Variants in PKD1L3 observed in about 807,000 individuals in gnomAD.
PKD1L3 encodes polycystin-1-like protein 3.
Under a neutral mutation model 184.1 loss-of-function variants are expected in PKD1L3, and 239 were observed. That is an observed-to-expected ratio of 1.30 (90% CI 1.17 to 1.45). PKD1L3 has a LOEUF of 1.45. Ranked by LOEUF, PKD1L3 falls within the 40% of genes most tolerant of loss-of-function variation. The pLI is 0.00. For synonymous variants in PKD1L3, 996 were observed against 778.8 expected (o/e 1.28, Z -4.64); for missense variants, 2,660 against 2,067.2 (o/e 1.29, Z -5.56).
intron 7 of PKD1L3, among the ~76,000 whole-genome samples, chr16:71,980,548 T>C (rs979263912): frequency 1.3e-5 from 2 of 152,140 alleles, no homozygotes; most frequent in African/African-American, 2.4e-5. Flanking sequence ...AAAATAAACA[T>C]GGTGGCCGGG....
intron 28 of PKD1L3, 29 bp from the exon 29 acceptor site, chr16:71,930,212 G>T: frequency 2.0e-6 from 3 of 1,519,726 alleles, no homozygotes; most frequent in South Asian, 2.5e-5. Flanking sequence ...CACTTGCAGT[G>T]ACTGACAATT....
rs943093790 is a variant in PKD1L3 at position 71,937,301 on chromosome 16, G to A, written c.4443C>T (p.Ala1481=). The change falls in exon 25 of 30, where the codon GCC becomes GCT. Residue 1481 remains alanine (A), a synonymous_variant. Coordinates refer to ENST00000620267, the MANE Select transcript of PKD1L3 (RefSeq NM_181536.2). ...VIYYLLVCYY[A]FIQGCQLKQQ... Reference sequence around the variant, plus strand: ...AACATTATTGACTCACCTGTATGAAGGCATAGTAACAGACCAGTAGATAAT... The same window carrying A: ...AACATTATTGACTCACCTGTATGAAAGCATAGTAACAGACCAGTAGATAAT... 6.4e-7 allele frequency: 1 copy of A among 1,551,042 alleles called. No homozygotes were observed. The highest frequency in any genetic ancestry group is 8.7e-7 in the Non-Finnish European group (1 of 1,146,758).
chr16:71,939,541 TC>T (rs1404563771), intron 24 of PKD1L3, among the ~76,000 whole-genome samples: 7 of 152,242 alleles, frequency 4.6e-5, no homozygotes, highest in Admixed American at 3.3e-4. Flanking sequence ...CCTAGCTAGC[TC>T]TCAAGACTGG....
intron 18 of PKD1L3, among the ~76,000 whole-genome samples, chr16:71,952,195 ATTTTTTTTTTTTTTTT>A (rs34849069): frequency 9.8e-5 from 5 of 50,790 alleles, no homozygotes; most frequent in South Asian, 1.2e-3. Context: ...GGAGCATGTC[ATTTTTTTTTTTTTTTT>A]TTTTTTTTTT....
intron 24 of PKD1L3, among the ~76,000 whole-genome samples, chr16:71,940,406 GT>G (rs1050758696): frequency 7.9e-5 from 12 of 152,156 alleles, no homozygotes; most frequent in African/African-American, 2.4e-4. Flanking sequence ...CAAGATTGGA[GT>G]TTGTAGGGTC....
At chr16:71,956,680 G>T (rs1458399782) in intron 16 of PKD1L3, among the ~76,000 whole-genome samples, 3 of 152,174 alleles carry the variant, frequency 2.0e-5, no homozygotes, top group Admixed American at 2.0e-4. Context: ...GAGGGAACAG[G>T]AAGTTGTTCA....
At chr16:71,964,897 A>T (rs1222860865) in intron 15 of PKD1L3, among the ~76,000 whole-genome samples, 1 of 140,588 alleles carries the variant, frequency 7.1e-6, no homozygotes, top group Non-Finnish European at 1.5e-5. Context: ...CCCAGGCTGG[A>T]GTGCAGCGGT....
intron 7 of PKD1L3, 51 bp downstream of exon 7, chr16:71,982,008 A>C (rs1246909530): frequency 1.2e-5 from 17 of 1,441,788 alleles, no homozygotes; most frequent in African/African-American, 1.4e-5. Context: ...GGACCTGTCA[A>C]GATTAAAATG....
At chr16:71,980,173 T>G in intron 7 of PKD1L3, 39 bp from the exon 8 acceptor site, 1 of 1,542,340 alleles carries the variant, frequency 6.5e-7, no homozygotes, top group East Asian at 2.4e-5. Context: ...TTGTAAAACC[T>G]CAGTGTCTTA....
intron 15 of PKD1L3, among the ~76,000 whole-genome samples, chr16:71,963,788 A>C (rs2143540267): frequency 6.6e-6 from 1 of 152,218 alleles, no homozygotes; most frequent in East Asian, 1.9e-4. Flanking sequence ...GTCAAAAAAA[A>C]CAAAAAGAAA....
intron 2 of PKD1L3, among the ~76,000 whole-genome samples, chr16:71,995,158 G>A (rs548267942): frequency 5.9e-5 from 9 of 152,248 alleles, no homozygotes; most frequent in South Asian, 4.1e-4. Context: ...GGAGTTGGGG[G>A]AAGGCTGCAA....
At chr16:71,929,726 G>T (rs577042589) in intron 29 of PKD1L3, 48 bp from the exon 30 acceptor site, 3 of 1,440,874 alleles carry the variant, frequency 2.1e-6, no homozygotes, top group Admixed American at 2.7e-5. Context: ...TGAAATTACT[G>T]CTAATAGTGG....
At chr16:71,947,376 T>C in intron 22 of PKD1L3, 116 bp downstream of exon 22, 1 of 670,412 alleles carries the variant, frequency 1.5e-6, no homozygotes, top group Non-Finnish European at 2.6e-6. Flanking sequence ...AAAGGAGAAA[T>C]AACCAGTTGG....
Position 71,985,598 on chromosome 16 carries a change from A to AT in PKD1L3, c.834+622dup, listed in dbSNP as rs997100806. On this transcript the variant is annotated intron_variant, in intron 5 of 29. Transcript: ENST00000620267. ...AGGCACATGCCACCACACCTGGCTA[A>AT]TTTTTTTTTGAAGTTTAATAGAGAA... Among the ~76,000 whole-genome samples, 87 of 151,582 alleles carry AT rather than the reference A, an allele frequency of 5.7e-4. 1 individual carries two copies. The East Asian group carries it at 0.013, about 23-fold the overall frequency.
At chr16:71,931,458 C>T (rs2037961072) in intron 28 of PKD1L3, among the ~76,000 whole-genome samples, 1 of 150,332 alleles carries the variant, frequency 6.7e-6, no homozygotes, top group African/African-American at 2.5e-5. Flanking sequence ...GTGTCTTCTC[C>T]CCCACTTTTT....
rs1457619548 is a variant in PKD1L3 at position 71,936,517 on chromosome 16, T to TC, written c.4452+774_4452+775insG. Among the ~76,000 whole-genome samples, 84 of 136,874 alleles carry TC rather than the reference T, an allele frequency of 6.1e-4. No homozygotes were observed. In the South Asian group the frequency reaches 6.4e-3, roughly 10 times the overall value. 89.8% of individuals were successfully genotyped at this position (136,874 alleles called of 152,430 possible). ...TGTGCCTGGCCAATCACTTTTTTTT[T>TC]TCTTTTTTTTTTTTTTTTTGAGATG... On this transcript the variant is annotated intron_variant, in intron 25 of 29. Transcript: ENST00000620267.
chr16:71,984,028 C>G lies in PKD1L3; in HGVS notation c.966+8G>C, dbSNP rs374245018. 385 of 1,551,756 alleles carry G rather than the reference C, an allele frequency of 2.5e-4. 1 individual carries two copies. The highest frequency in any genetic ancestry group is 6.9e-4 in the Admixed American group (35 of 50,970). On this transcript the variant is annotated splice_region_variant and intron_variant, in intron 6 of 29. Coordinates refer to ENST00000620267, the MANE Select transcript of PKD1L3 (RefSeq NM_181536.2). ...TACCTTCTTCCCTCCCAGTCACCCT[C>G]CACTTACCTGAGCTGGCTTAGAAAA...
At chr16:71,945,806 C>G (rs1211963105) in intron 22 of PKD1L3, among the ~76,000 whole-genome samples, 1 of 152,002 alleles carries the variant, frequency 6.6e-6, no homozygotes, top group Non-Finnish European at 1.5e-5. Context: ...AGAGAAGGCG[C>G]CACAGAGGAA....
At chr16:71,986,492 G>A (rs781405956) in intron 4 of PKD1L3, 23 bp from the exon 5 acceptor site, 47 of 1,538,110 alleles carry the variant, frequency 3.1e-5, no homozygotes, top group Non-Finnish European at 3.9e-5. Flanking sequence ...AATATGTAAA[G>A]GAAAAGACTG....
Sources: gnomAD v4.1 joint callset for allele counts (sites outside exome capture counted in the v4.1 genomes callset) on GRCh38, gnomAD v4.1.1 for gene constraint, MANE v1.5 for transcripts, NCBI Gene and HGNC (gene_info 2026-07-23, HGNC 2026-07-21) for gene names.